PCLO: variants seen among roughly 807,000 people sequenced by gnomAD.
The protein encoded by PCLO is piccolo presynaptic cytomatrix protein.
A neutral mutation model predicts 427.5 loss-of-function variants in PCLO; 82 were observed. The ratio of observed to expected loss-of-function variants is 0.19; its 90% confidence interval spans 0.16 to 0.23. The LOEUF (loss-of-function observed/expected upper bound fraction) is 0.23, where lower values mean the gene tolerates loss of function less well. PCLO is among the 10% of genes least tolerant of loss of function. PCLO has a pLI of 1.00. For synonymous variants in PCLO, 2,357 were observed against 2,155.4 expected (o/e 1.09, Z -2.59); for missense variants, 6,239 against 6,115.9 (o/e 1.02, Z -0.67).
At chr7:83,019,324 CTTTTG>C (rs1420075873) in intron 3 of PCLO, among the ~76,000 whole-genome samples, 2 of 151,946 alleles carry the variant, frequency 1.3e-5, no homozygotes, top group Non-Finnish European at 2.9e-5. Context: ...ATAAGAACTT[CTTTTG>C]TTTTAATTTT....
chr7:83,094,884 T>A (rs961320303), intron 3 of PCLO, among the ~76,000 whole-genome samples: 2 of 152,164 alleles, frequency 1.3e-5, no homozygotes, highest in Admixed American at 1.3e-4. Context: ...TCTAAATGAT[T>A]TTTGTATCTG....
chr7:82,945,160 C>G (rs1432969353), intron 6 of PCLO, among the ~76,000 whole-genome samples: 1 of 151,790 alleles, frequency 6.6e-6, no homozygotes, highest in African/African-American at 2.4e-5. Flanking sequence ...TTTAAGGAAA[C>G]AGGCGGTAAT....
rs1268763082 is a variant in PCLO, at chr7:82,914,690, A to G, written c.13296T>C (p.Ser4432=). 1 of 1,613,048 alleles carries G rather than the reference A, an allele frequency of 6.2e-7. No individual in the cohort carries two copies. The highest frequency in any genetic ancestry group is 8.5e-7 in the Non-Finnish European group (1 of 1,179,494). Residue 4432 remains serine, a synonymous_variant, in exon 7 of 25, where the codon AGT becomes AGC. Coordinates refer to ENST00000333891, the MANE Select transcript of PCLO (RefSeq NM_033026.6). Reference sequence around the variant, plus strand: ...GTAGTTTGAGGCCCAATTTACCTTCACTGTCTGACATGGCATGTTGGAAGT... The same window carrying G: ...GTAGTTTGAGGCCCAATTTACCTTCGCTGTCTGACATGGCATGTTGGAAGT... ...MDDFQHAMSD[S]EAYHLRREET...
chr7:83,150,203 A>C (rs982029471), intron 2 of PCLO, among the ~76,000 whole-genome samples: 4 of 152,196 alleles, frequency 2.6e-5, no homozygotes, highest in Non-Finnish European at 5.9e-5. Flanking sequence ...AGATAAAGTA[A>C]ATCAACGAAA....
At chr7:82,996,878 T>A (rs1787630561) in intron 3 of PCLO, among the ~76,000 whole-genome samples, 1 of 151,992 alleles carries the variant, frequency 6.6e-6, no homozygotes, top group Admixed American at 6.6e-5. Flanking sequence ...TTTTAATAAA[T>A]AAGTTGTGTT....
chr7:83,038,033 A>T (rs1489289104), intron 3 of PCLO, among the ~76,000 whole-genome samples: 2 of 54,354 alleles, frequency 3.7e-5, no homozygotes, highest in Non-Finnish European at 6.3e-5. Flanking sequence ...ATATATATTT[A>T]TATATTTATA....
At chr7:83,112,034 G>T (rs1403513649) in intron 3 of PCLO, among the ~76,000 whole-genome samples, 3 of 151,468 alleles carry the variant, frequency 2.0e-5, no homozygotes. Context: ...AAATGTCTGG[G>T]TTTTTTTGTT....
At chr7:83,137,588 G>A (rs1297736801) in intron 2 of PCLO, among the ~76,000 whole-genome samples, 3 of 151,978 alleles carry the variant, frequency 2.0e-5, no homozygotes, top group Non-Finnish European at 2.9e-5. Flanking sequence ...CCACCACCAC[G>A]CCCGGCTGAT....
chr7:82,963,494 T>A (rs1179742934), intron 4 of PCLO, among the ~76,000 whole-genome samples: 7 of 152,104 alleles, frequency 4.6e-5, no homozygotes, highest in Non-Finnish European at 8.8e-5. Context: ...GAACAAACTG[T>A]GAGCTACTTC....
At chr7:82,899,853 G>C (rs190642922) in intron 9 of PCLO, among the ~76,000 whole-genome samples, 1 of 151,414 alleles carries the variant, frequency 6.6e-6, no homozygotes, top group Admixed American at 6.6e-5. Flanking sequence ...TTAATATAGC[G>C]TAAAATAATA....
chr7:82,767,155 A>ATC (rs1374437896), intron 22 of PCLO, among the ~76,000 whole-genome samples: 3 of 152,162 alleles, frequency 2.0e-5, no homozygotes, highest in African/African-American at 4.8e-5. Flanking sequence ...ACAAAAAACC[A>ATC]TCACACACAC....
At chr7:83,150,187 C>G (rs949393287) in intron 2 of PCLO, among the ~76,000 whole-genome samples, 13 of 152,072 alleles carry the variant, frequency 8.5e-5, no homozygotes, top group Non-Finnish European at 7.4e-5. Flanking sequence ...GGCTACATAC[C>G]AAAAGAGATA....
chr7:83,006,954 T>C (rs1787960344), intron 3 of PCLO, among the ~76,000 whole-genome samples: 1 of 151,490 alleles, frequency 6.6e-6, no homozygotes, highest in Non-Finnish European at 1.5e-5. Flanking sequence ...TGCCACATTA[T>C]AGCATGCTAT....
At chr7:83,089,120 T>C (rs1218319364) in intron 3 of PCLO, among the ~76,000 whole-genome samples, 3 of 149,914 alleles carry the variant, frequency 2.0e-5, no homozygotes, top group African/African-American at 7.6e-5. Flanking sequence ...GTATTCTCAT[T>C]TAGTGTGTAT....
intron 2 of PCLO, 34 bp downstream of exon 2, chr7:83,154,714 G>A (rs768301469): frequency 1.4e-6 from 2 of 1,456,862 alleles, no homozygotes; most frequent in Non-Finnish European, 9.6e-7. Flanking sequence ...TGATATGGCT[G>A]AAGAGTATGG....
chr7:82,794,454 T>TTTTCTG (rs1562789345), intron 22 of PCLO, among the ~76,000 whole-genome samples: 3 of 89,994 alleles, frequency 3.3e-5, no homozygotes, highest in African/African-American at 1.8e-4. Context: ...TCATAAATTT[T>TTTTCTG]TTTTCTTTTT....
intron 3 of PCLO, among the ~76,000 whole-genome samples, chr7:83,041,179 C>G (rs1034408507): frequency 1.3e-5 from 2 of 151,872 alleles, no homozygotes; most frequent in Non-Finnish European, 2.9e-5. Flanking sequence ...AAAGTGTATC[C>G]TTTAAAAACA....
intron 2 of PCLO, among the ~76,000 whole-genome samples, chr7:83,152,902 C>T (rs1016510257): frequency 6.6e-6 from 1 of 152,112 alleles, no homozygotes; most frequent in African/African-American, 2.4e-5. Flanking sequence ...CTTTATATCT[C>T]ACCAAACATA....
At chr7:82,878,917 T>C (rs921589471) in intron 10 of PCLO, among the ~76,000 whole-genome samples, 1 of 152,196 alleles carries the variant, frequency 6.6e-6, no homozygotes, top group Non-Finnish European at 1.5e-5. Flanking sequence ...AGGCAGCAGA[T>C]GGATAAAGCC....
Sources: allele counts gnomAD v4.1 joint callset (sites outside exome capture counted in the v4.1 genomes callset), GRCh38; gene constraint gnomAD v4.1.1; transcripts MANE v1.5; gene names NCBI Gene and HGNC (gene_info 2026-07-23, HGNC 2026-07-21).